Variants in ZNF827 observed in about 807,000 individuals in gnomAD.
ZNF827 encodes the protein zinc finger protein 827.
A neutral mutation model predicts 102.4 loss-of-function variants in ZNF827; 13 were observed. The ratio of observed to expected loss-of-function variants is 0.13; its 90% CI spans 0.08 to 0.20. The LOEUF (loss-of-function observed/expected upper bound fraction) is 0.20, where lower values mean the gene tolerates loss of function less well. ZNF827 is among the 10% of genes least tolerant of loss of function. ZNF827 has a pLI of 1.00. For synonymous variants in ZNF827, 523 were observed against 536.2 expected (o/e 0.98, Z 0.34); for missense variants, 1,103 against 1,344.4 (o/e 0.82, Z 2.81).
rs747806234 is a variant in ZNF827 at position 145,902,804 on chromosome 4, G to A, written c.455C>T (p.Ser152Leu). Residue 152 changes from serine (S) to leucine (L), a missense_variant, in exon 2 of 15, where the codon TCG becomes TTG. Ser to Leu is a moderately radical substitution (Grantham distance 145). Around this residue, in one of 5 missense-constraint regions of ZNF827, gnomAD observed 441 missense variants for 458.6 expected, o/e 0.96. Coordinates refer to ENST00000508784, the MANE Select transcript of ZNF827 (RefSeq NM_001306215.2). This position sits in a 1 kb window ranked among gnomAD's most constrained non-coding sequence, Gnocchi z 4.3. ...GGAAGGCGGGGAAAAGGAGAGGTTC[G>A]AGCCAACGTTTACGGGGGACTCCAC... ...GRVESPVNVG[S>L]NLSFSPPSHH... 41 of 1,613,992 alleles carry A rather than the reference G, an allele frequency of 2.5e-5. No individual in the cohort carries two copies. The highest frequency in any genetic ancestry group is 8.3e-5 in the Admixed American group (5 of 59,998).
At chr4:145,910,402 T>A (rs1752198060) in intron 1 of ZNF827, among the ~76,000 whole-genome samples, 1 of 152,102 alleles carries the variant, frequency 6.6e-6, no homozygotes, top group African/African-American at 2.4e-5. Context: ...AACTCCTCCA[T>A]CCTTTCAATT....
chr4:145,903,413 G>GT (rs1751587502), intron 1 of ZNF827, among the ~76,000 whole-genome samples, 198 bp from the exon 2 acceptor site: 1 of 152,156 alleles, frequency 6.6e-6, no homozygotes, highest in African/African-American at 2.4e-5. Context: ...ACAGGCAAAG[G>GT]TAAAAACATA....
chr4:145,814,798 G>A (rs540242158), intron 8 of ZNF827, among the ~76,000 whole-genome samples: 4 of 151,520 alleles, frequency 2.6e-5, no homozygotes, highest in African/African-American at 9.7e-5. Context: ...AAAATTTGCC[G>A]GGCGTTGTGG....
At chr4:145,796,623 C>CTT (rs34553120) in intron 8 of ZNF827, among the ~76,000 whole-genome samples, 7,180 of 113,236 alleles carry the variant, frequency 0.063, 411 homozygotes, top group Middle Eastern at 0.11. Context: ...ATTTGTTCCT[C>CTT]TTTTTTTTTT....
rs529773528 is a variant in ZNF827 at position 145,835,655 on chromosome 4, C to G, written c.2279+10301G>C. On this transcript the variant is annotated intron_variant, in intron 7 of 14. Coordinates refer to ENST00000508784, the MANE Select transcript of ZNF827 (RefSeq NM_001306215.2). ...CTTAACCCACAAGTATAAGATACCT[C>G]TACTCCCTCCTTGGCGACCGATCAT... 2.7e-3 allele frequency among the ~76,000 whole-genome samples: 400 copies of G among 148,836 alleles called. 2 individuals carry two copies. Among genetic ancestry groups the G allele is most frequent in the African/African-American group, 9.3e-3 (371 of 40,030 alleles).
chr4:145,901,998 A>G (rs1214279339), intron 2 of ZNF827, among the ~76,000 whole-genome samples, 168 bp downstream of exon 2: 5 of 152,254 alleles, frequency 3.3e-5, no homozygotes, highest in African/African-American at 1.2e-4. Flanking sequence ...TGTAATACGT[A>G]CATGAAAGAC....
chr4:145,790,557 C>T (rs1320327645), intron 8 of ZNF827, among the ~76,000 whole-genome samples: 1 of 152,186 alleles, frequency 6.6e-6, no homozygotes, highest in Non-Finnish European at 1.5e-5. Flanking sequence ...ATTCAAGTCA[C>T]AGTCATTTCC....
At chr4:145,817,133 G>GC (rs1379417911) in intron 8 of ZNF827, among the ~76,000 whole-genome samples, 1 of 152,094 alleles carries the variant, frequency 6.6e-6, no homozygotes, top group African/African-American at 2.4e-5. Flanking sequence ...GAAAGAGAAT[G>GC]CCCCAGCTTC....
chr4:145,854,235 C>T (rs1746840388), intron 5 of ZNF827, among the ~76,000 whole-genome samples: 1 of 151,820 alleles, frequency 6.6e-6, no homozygotes, highest in South Asian at 2.1e-4. Flanking sequence ...CCTAAGTATT[C>T]AAGTTTCCCA....
intron 8 of ZNF827, among the ~76,000 whole-genome samples, chr4:145,813,905 G>C (rs1312574470): frequency 1.3e-5 from 2 of 152,220 alleles, no homozygotes; most frequent in Non-Finnish European, 2.9e-5. Flanking sequence ...GGTTAGGAGA[G>C]ATCTAGGAGG....
At chr4:145,884,733 A>G (rs1162145196) in intron 4 of ZNF827, among the ~76,000 whole-genome samples, 3 of 152,236 alleles carry the variant, frequency 2.0e-5, no homozygotes, top group African/African-American at 7.2e-5. Context: ...AAAATGATAA[A>G]AAAAGAAACA....
intron 1 of ZNF827, among the ~76,000 whole-genome samples, chr4:145,909,246 C>T: frequency 6.6e-6 from 1 of 152,124 alleles, no homozygotes; most frequent in East Asian, 1.9e-4. Context: ...CTTCTTGATT[C>T]CCTGCTCATA....
At chr4:145,799,588 C>T (rs1408979237) in intron 8 of ZNF827, among the ~76,000 whole-genome samples, 1 of 152,186 alleles carries the variant, frequency 6.6e-6, no homozygotes, top group African/African-American at 2.4e-5. Context: ...TGAGCAGAGA[C>T]TGCTAGCTGC....
chr4:145,909,468 C>T (rs868003568), intron 1 of ZNF827, among the ~76,000 whole-genome samples: 7 of 152,332 alleles, frequency 4.6e-5, no homozygotes, highest in Middle Eastern at 6.8e-3. Flanking sequence ...AGGCTGAAAA[C>T]CTGGCTGCAA....
intron 1 of ZNF827, among the ~76,000 whole-genome samples, chr4:145,916,500 TG>T (rs1752677327): frequency 6.6e-6 from 1 of 151,980 alleles, no homozygotes; most frequent in South Asian, 2.1e-4. Context: ...CTTGGCACTC[TG>T]GGCCTGTGAT....
chr4:145,845,992 T>C lies in ZNF827; in HGVS notation c.2243A>G (p.Asn748Ser), dbSNP rs753213008. 7 of 1,614,122 alleles carry C rather than the reference T, an allele frequency of 4.3e-6. No individual in the cohort carries two copies. The highest frequency in any genetic ancestry group is 1.7e-5 in the Admixed American group (1 of 60,016). Reference sequence around the variant, plus strand: ...CCGGATGGTGTTTTCTTTTGTATGATTGTGCTCTTTGCTCACTTTTTCTGT... The same window carrying C: ...CCGGATGGTGTTTTCTTTTGTATGACTGTGCTCTTTGCTCACTTTTTCTGT... Reference protein sequence around the residue: ...QLSEKVSKEHNHTKENTIRTT... With the variant: ...QLSEKVSKEHSHTKENTIRTT... Residue 748 changes from asparagine to serine, a missense_variant, in exon 7 of 15, where the codon AAT becomes AGT. This residue lies in a region of ZNF827 where 243 missense variants were observed against 251.6 expected (regional missense o/e 0.97). Transcript: ENST00000508784.
chr4:145,938,048 T>A, intron 1 of ZNF827, among the ~76,000 whole-genome samples: 1 of 18,382 alleles, frequency 5.4e-5, no homozygotes, highest in South Asian at 2.8e-3. Flanking sequence ...TCTTGCCCCC[T>A]CCCCCCAGCA....
At chr4:145,874,930 C>A (rs1303621802) in intron 4 of ZNF827, among the ~76,000 whole-genome samples, 3 of 151,936 alleles carry the variant, frequency 2.0e-5, no homozygotes, top group Non-Finnish European at 2.9e-5. Context: ...TGGAGGTGGA[C>A]CACCATTTAA....
At chr4:145,886,554 T>G in intron 3 of ZNF827, among the ~76,000 whole-genome samples, 1 of 152,178 alleles carries the variant, frequency 6.6e-6, no homozygotes, top group East Asian at 1.9e-4. Flanking sequence ...CTCACAATAA[T>G]GATACTTTGC....
Sources: allele counts gnomAD v4.1 joint callset (sites outside exome capture counted in the v4.1 genomes callset), GRCh38; gene constraint gnomAD v4.1.1; regional missense constraint gnomAD v4.1.1; non-coding constraint Gnocchi (gnomAD v3.1); transcripts MANE v1.5; gene names NCBI Gene and HGNC (gene_info 2026-07-23, HGNC 2026-07-21).